The following TCF12 variants were observed in gnomAD, a reference collection of about 807,000 sequenced individuals.
The protein encoded by TCF12 is transcription factor 12.
Under a neutral mutation model 86.0 loss-of-function variants are expected in TCF12, and 45 were observed. The observed-to-expected ratio is 0.52, with a 90% confidence interval of 0.41 to 0.67. TCF12 has a LOEUF of 0.67. Among genes scored for constraint, TCF12 ranks in the 30% least tolerant of loss-of-function variants. The pLI is 0.00. For missense variants in TCF12, 881 were observed against 859.9 expected, an observed-to-expected ratio of 1.02 and a Z score of -0.31; for synonymous variants, 330 against 299.6, an observed-to-expected ratio of 1.10 and a Z score of -1.05.
intron 12 of TCF12, 107 bp downstream of exon 12, chr15:57,234,214 C>G (rs1441676275): frequency 2.4e-6 from 2 of 847,516 alleles, no homozygotes; most frequent in Admixed American, 1.9e-5. Context: ...GTAACAAGAT[C>G]AATTTCATTA....
chr15:56,941,561 G>C (rs1189435286), intron 3 of TCF12, among the ~76,000 whole-genome samples: 2 of 151,870 alleles, frequency 1.3e-5, no homozygotes, highest in Non-Finnish European at 2.9e-5. Context: ...TTTCAGTAGA[G>C]ACAGGGTTTC....
chr15:57,126,021 A>G (rs1386647508), intron 5 of TCF12, among the ~76,000 whole-genome samples: 1 of 152,222 alleles, frequency 6.6e-6, no homozygotes, highest in Non-Finnish European at 1.5e-5. Flanking sequence ...GCATGGGCTC[A>G]GGAGTTCGAG....
At chr15:57,025,631 C>T (rs1281233704) in intron 3 of TCF12, among the ~76,000 whole-genome samples, 2 of 152,096 alleles carry the variant, frequency 1.3e-5, no homozygotes, top group Non-Finnish European at 1.5e-5. Context: ...ACTTGAAATG[C>T]GCCTGGTCTC....
intron 3 of TCF12, among the ~76,000 whole-genome samples, chr15:57,046,019 G>T (rs2067209861): frequency 6.6e-6 from 1 of 152,164 alleles, no homozygotes; most frequent in Admixed American, 6.5e-5. Flanking sequence ...CTGAAAAATT[G>T]CCAAATGAGT....
chr15:57,081,094 C>G (rs1036820259), intron 4 of TCF12, among the ~76,000 whole-genome samples: 1 of 152,208 alleles, frequency 6.6e-6, no homozygotes, highest in Non-Finnish European at 1.5e-5. Context: ...TTATGACTGT[C>G]TCCACTGTTG....
At chr15:57,215,326 G>C (rs1400831237) in intron 8 of TCF12, among the ~76,000 whole-genome samples, 1 of 152,088 alleles carries the variant, frequency 6.6e-6, no homozygotes, top group Non-Finnish European at 1.5e-5. Flanking sequence ...CTTTTGCTTT[G>C]AATTTGTTCA....
At chr15:57,237,670 C>G (rs1221344119) in intron 12 of TCF12, among the ~76,000 whole-genome samples, 2 of 152,074 alleles carry the variant, frequency 1.3e-5, no homozygotes, top group Non-Finnish European at 2.9e-5. Flanking sequence ...TGATTTTGTT[C>G]TTCTTTTTAT....
intron 3 of TCF12, among the ~76,000 whole-genome samples, chr15:56,928,716 A>G (rs774889701): frequency 6.6e-6 from 1 of 152,214 alleles, no homozygotes; most frequent in Non-Finnish European, 1.5e-5. Flanking sequence ...ACACCTTTTG[A>G]AAATCCTTTT....
At position 56,990,252 on chromosome 15, in the gene TCF12, TGTGC is replaced by T. The variant is rs1460581467; in HGVS notation, c.148+69158_148+69161del. On this transcript the variant is annotated intron_variant, in intron 3 of 20. Transcript: ENST00000333725. Reference sequence around the variant, plus strand: ...TCGTGTGTGTGTGTCTGTGTGTGCGTGTGCGTGTGTGTGTGTGTGTGAAAGAAAA... The same window carrying T: ...TCGTGTGTGTGTGTCTGTGTGTGCGTGTGTGTGTGTGTGTGTGAAAGAAAA... 6.0e-3 allele frequency among the ~76,000 whole-genome samples: 831 copies of T among 139,492 alleles called. 5 individuals are homozygous for T. Among genetic ancestry groups the T allele is most frequent in the African/African-American group, 0.018 (584 of 33,280 alleles). 91.5% of individuals were successfully genotyped at this position (139,492 alleles called of 152,430 possible).
chr15:56,989,736 T>G (rs2140953097), intron 3 of TCF12, among the ~76,000 whole-genome samples: 1 of 152,278 alleles, frequency 6.6e-6, no homozygotes, highest in Admixed American at 6.5e-5. Context: ...GTCTCCCTAG[T>G]AGAAGTATTA....
At chr15:57,249,556 C>T (rs1438734409) in intron 13 of TCF12, among the ~76,000 whole-genome samples, 3 of 152,076 alleles carry the variant, frequency 2.0e-5, no homozygotes, top group African/African-American at 4.8e-5. Context: ...TTTCAACTTG[C>T]AAAATGTGTA....
intron 6 of TCF12, among the ~76,000 whole-genome samples, chr15:57,169,637 AC>A (rs2151562448): frequency 6.6e-6 from 1 of 152,284 alleles, no homozygotes; most frequent in East Asian, 1.9e-4. Context: ...TTTTTAAGAG[AC>A]CTAAATGTTT....
chr15:57,083,001 CGTT>C (rs1358011006), intron 4 of TCF12, among the ~76,000 whole-genome samples: 1 of 151,886 alleles, frequency 6.6e-6, no homozygotes, highest in Non-Finnish European at 1.5e-5. Flanking sequence ...CAGTGCTACA[CGTT>C]GTCAGCATAC....
At chr15:57,065,877 TTCATAGAACCATAGAACCACATA>T (rs1285867967) in intron 4 of TCF12, among the ~76,000 whole-genome samples, 1 of 152,168 alleles carries the variant, frequency 6.6e-6, no homozygotes, top group Admixed American at 6.5e-5. Flanking sequence ...TAAGCTAGTT[TTCATAGAACCATAGAACCACATA>T]TGTATTTCTA....
chr15:57,226,616 A>G (rs2058894033), intron 8 of TCF12, among the ~76,000 whole-genome samples: 1 of 152,306 alleles, frequency 6.6e-6, no homozygotes. Flanking sequence ...CCATGTTCAG[A>G]AAAGTAGGTA....
chr15:56,938,243 C>G (rs1167126499), intron 3 of TCF12, among the ~76,000 whole-genome samples: 2 of 151,828 alleles, frequency 1.3e-5, no homozygotes, highest in Non-Finnish European at 2.9e-5. Flanking sequence ...TTACTGCAAC[C>G]TCTGACTCCC....
rs183701763 is a variant in TCF12, at chr15:57,153,123, T to G, written c.326-13279T>G. On this transcript the variant is annotated intron_variant, in intron 5 of 20. Coordinates refer to ENST00000333725, the MANE Select transcript of TCF12 (RefSeq NM_207037.2). ...TTTTCTTAAAAAAGAGGATAAAGAC[T>G]TCTAGATATATGAAAATCTGAGAAA... is the stretch of plus-strand genomic sequence containing the variant. Among the ~76,000 whole-genome samples, 13 of 152,338 alleles carry G rather than the reference T, an allele frequency of 8.5e-5. No individual in the cohort carries two copies. In the East Asian group the frequency reaches 2.5e-3, roughly 29 times the overall value.
chr15:57,100,818 T>C (rs1226228830), intron 5 of TCF12, among the ~76,000 whole-genome samples: 3 of 152,220 alleles, frequency 2.0e-5, no homozygotes, highest in Non-Finnish European at 4.4e-5. Context: ...ATGTAAGTTT[T>C]AATTAGCCAT....
At chr15:56,965,519 T>C (rs774005548) in intron 3 of TCF12, among the ~76,000 whole-genome samples, 1 of 152,214 alleles carries the variant, frequency 6.6e-6, no homozygotes, top group Non-Finnish European at 1.5e-5. Flanking sequence ...GAATCAAATA[T>C]TTTTAGAATT....
Sources: allele counts gnomAD v4.1 joint callset (sites outside exome capture counted in the v4.1 genomes callset), GRCh38; gene constraint gnomAD v4.1.1; transcripts MANE v1.5; gene names NCBI Gene and HGNC (gene_info 2026-07-23, HGNC 2026-07-21).